EXOC4: variants seen among roughly 807,000 people sequenced by gnomAD.
EXOC4 encodes the protein SEC8-like 1.
EXOC4 carries 71 observed loss-of-function variants against 107.2 expected under a neutral mutation model. That is an observed-to-expected ratio of 0.66 (90% CI 0.55 to 0.81). The LOEUF (loss-of-function observed/expected upper bound fraction) is 0.81, where lower values mean the gene tolerates loss of function less well. Among genes scored for constraint, EXOC4 ranks in the 30% least tolerant of loss-of-function variants. The pLI, the probability that EXOC4 is intolerant of heterozygous loss-of-function variation, is 0.00. For synonymous variants in EXOC4, 456 were observed against 441.2 expected (o/e 1.03, Z -0.42); for missense variants, 1,108 against 1,189.6 (o/e 0.93, Z 1.01).
chr7:133,992,484 T>C (rs1183267728), intron 14 of EXOC4, among the ~76,000 whole-genome samples: 1 of 151,936 alleles, frequency 6.6e-6, no homozygotes, highest in South Asian at 2.1e-4. Context: ...GGTTTCACTA[T>C]GTTGGCCAGG....
At position 134,007,760 on chromosome 7, in the gene EXOC4, G is replaced by A; in HGVS notation, c.2612G>A (p.Cys871Tyr). The change falls in exon 17 of 18, where the codon TGT (cysteine) becomes TAT (tyrosine). Residue 871 changes from cysteine (C) to tyrosine (Y), a missense_variant. By Grantham distance (194) the Cys-to-Tyr change is radical (BLOSUM62 -2). Transcript: ENST00000253861. ...RISESGIKKMCRNIFVLQQNL... is the reference protein window; with the variant it reads ...RISESGIKKMYRNIFVLQQNL... ...AGTGAGTCTGGCATCAAGAAAATGT[G>A]TAGGAACATTTTTGTTCTTCAGCAG... is the stretch of plus-strand genomic sequence containing the variant. 6.2e-7 allele frequency: 1 copy of A among 1,613,550 alleles called. No homozygotes were observed. Among genetic ancestry groups the A allele is most frequent in the Non-Finnish European group, 8.5e-7 (1 of 1,179,666 alleles).
chr7:133,881,961 A>G (rs991468434), intron 11 of EXOC4, among the ~76,000 whole-genome samples: 3 of 152,152 alleles, frequency 2.0e-5, no homozygotes, highest in Non-Finnish European at 4.4e-5. Flanking sequence ...ACCTGCATTC[A>G]TGTAACCACC....
At chr7:133,941,201 A>G (rs1377936458) in intron 14 of EXOC4, among the ~76,000 whole-genome samples, 4 of 151,654 alleles carry the variant, frequency 2.6e-5, no homozygotes, top group South Asian at 2.1e-4. Flanking sequence ...GTTTCACTAC[A>G]TTGCCCAGGC....
rs188433666 is a variant in EXOC4, at chr7:133,379,658, C to G, written c.1182+4656C>G. Among the ~76,000 whole-genome samples the G allele has an allele frequency of 4.1e-3, 605 of 149,054 alleles. 2 individuals are homozygous for G. The highest frequency in any genetic ancestry group is 6.6e-3 in the Non-Finnish European group (441 of 66,458). ...TACTTTGTGAATAAGTTTTTATGACCCCCCCCCATCTTTGGCTTTTACTTA... is the reference window on the plus strand; with the variant it reads ...TACTTTGTGAATAAGTTTTTATGACGCCCCCCCATCTTTGGCTTTTACTTA... On this transcript the variant is annotated intron_variant, in intron 7 of 17. Transcript: ENST00000253861.
the EXOC4 span, among the ~76,000 whole-genome samples, chr7:134,090,759 C>G: frequency 3.3e-5 from 5 of 152,024 alleles, no homozygotes; most frequent in Non-Finnish European, 5.9e-5. Context: ...GTCCCATGAT[C>G]CCGTACATGC....
chr7:134,042,902 T>A (rs1172750383), intron 17 of EXOC4, among the ~76,000 whole-genome samples: 1 of 152,130 alleles, frequency 6.6e-6, no homozygotes, highest in Non-Finnish European at 1.5e-5. Context: ...CTGGCCGTGG[T>A]GGCGCATGCC....
chr7:133,314,460 TC>T (rs1794944883), intron 4 of EXOC4, among the ~76,000 whole-genome samples: 4 of 152,210 alleles, frequency 2.6e-5, no homozygotes, highest in Non-Finnish European at 5.9e-5. Flanking sequence ...AAATTGACTT[TC>T]TAAAAGTTTA....
At chr7:133,760,319 A>C (rs1289464841) in intron 10 of EXOC4, among the ~76,000 whole-genome samples, 2 of 152,194 alleles carry the variant, frequency 1.3e-5, no homozygotes, top group Non-Finnish European at 2.9e-5. Context: ...GCTTTCAATA[A>C]ACCCAGAAAC....
At chr7:134,041,052 T>G (rs528832697) in intron 17 of EXOC4, among the ~76,000 whole-genome samples, 1 of 152,326 alleles carries the variant, frequency 6.6e-6, no homozygotes, top group Admixed American at 6.5e-5. Flanking sequence ...ACCCACCAAA[T>G]TTGCATATAG....
intron 7 of EXOC4, among the ~76,000 whole-genome samples, chr7:133,427,070 G>T (rs1797743128): frequency 6.6e-6 from 1 of 151,044 alleles, no homozygotes. Flanking sequence ...GTTTTTTTTT[G>T]TTTTTGAGGT....
At chr7:133,365,563 T>C (rs1796232615) in intron 6 of EXOC4, among the ~76,000 whole-genome samples, 1 of 152,198 alleles carries the variant, frequency 6.6e-6, no homozygotes, top group Non-Finnish European at 1.5e-5. Context: ...ATTTTTACTG[T>C]GTTTCATTCT....
At chr7:133,515,452 A>G (rs1202749537) in intron 9 of EXOC4, among the ~76,000 whole-genome samples, 1 of 152,122 alleles carries the variant, frequency 6.6e-6, no homozygotes, top group Non-Finnish European at 1.5e-5. Flanking sequence ...TGTATTTTAC[A>G]TATACATATA....
intron 7 of EXOC4, among the ~76,000 whole-genome samples, chr7:133,397,150 C>T (rs528776299): frequency 2.9e-4 from 31 of 106,048 alleles, no homozygotes; most frequent in African/African-American, 9.7e-4. Flanking sequence ...TTTTTTGAGA[C>T]GGAATTTCGC....
intron 10 of EXOC4, among the ~76,000 whole-genome samples, chr7:133,758,511 A>C (rs1472625588): frequency 6.6e-6 from 1 of 152,220 alleles, no homozygotes; most frequent in Admixed American, 6.5e-5. Flanking sequence ...GGACAGAAAG[A>C]TGATTAAAGG....
At chr7:133,925,706 A>C (rs542619675) in intron 13 of EXOC4, among the ~76,000 whole-genome samples, 1 of 152,182 alleles carries the variant, frequency 6.6e-6, no homozygotes, top group Non-Finnish European at 1.5e-5. Context: ...TTTTCAGGTG[A>C]TAAAGGTCAA....
intron 17 of EXOC4, among the ~76,000 whole-genome samples, chr7:134,038,695 C>A (rs1795449055): frequency 6.6e-6 from 1 of 152,186 alleles, no homozygotes; most frequent in Non-Finnish European, 1.5e-5. Context: ...CGGCCCCATG[C>A]CCTCATCTTC....
At chr7:133,745,457 A>G (rs2151132747) in intron 10 of EXOC4, among the ~76,000 whole-genome samples, 1 of 152,242 alleles carries the variant, frequency 6.6e-6, no homozygotes, top group African/African-American at 2.4e-5. Context: ...TGACTAACAT[A>G]TAGGAAGTAT....
chr7:133,800,250 A>G (rs1403222288), intron 10 of EXOC4, among the ~76,000 whole-genome samples: 3 of 152,234 alleles, frequency 2.0e-5, no homozygotes, highest in Admixed American at 6.5e-5. Context: ...GGATTCTCTT[A>G]AAGTCACATT....
chr7:134,078,864 G>C, the EXOC4 span, among the ~76,000 whole-genome samples: 4 of 152,190 alleles, frequency 2.6e-5, no homozygotes, highest in African/African-American at 9.7e-5. Flanking sequence ...GCATCTTGCA[G>C]TTGTATTAAC....
Sources: allele counts gnomAD v4.1 joint callset (sites outside exome capture counted in the v4.1 genomes callset), GRCh38; gene constraint gnomAD v4.1.1; transcripts MANE v1.5; gene names NCBI Gene and HGNC (gene_info 2026-07-23, HGNC 2026-07-21).